The following GRAMD1B variants were observed in gnomAD, a reference collection of about 807,000 sequenced individuals.
GRAMD1B encodes protein Aster-B.
GRAMD1B carries 37 observed loss-of-function variants against 99.7 expected under a neutral mutation model. The ratio of observed to expected loss-of-function variants is 0.37; its 90% CI spans 0.29 to 0.49. GRAMD1B has a LOEUF of 0.49. Ranked by LOEUF, GRAMD1B falls within the 20% of genes least tolerant of loss-of-function variation. GRAMD1B has a pLI of 0.98. For missense variants in GRAMD1B, 888 were observed against 1,009.2 expected (o/e 0.88, Z 1.63); for synonymous variants, 427 against 387.6 (o/e 1.10, Z -1.19).
intron 1 of GRAMD1B, among the ~76,000 whole-genome samples, chr11:123,369,627 T>C (rs1946451919): frequency 6.6e-6 from 1 of 152,004 alleles, no homozygotes. Flanking sequence ...ATCCCAGCAA[T>C]TTGGTTGGCC....
At position 123,626,584 on chromosome 11, in the gene GRAMD1B, C is replaced by T. The variant is rs1434624942; in HGVS notation, c.*3989C>T. 1 of 152,202 alleles carries T rather than the reference C, an allele frequency of 6.6e-6. No individual in the cohort carries two copies. The highest frequency in any genetic ancestry group is 2.4e-5 in the African/African-American group (1 of 41,408). 9.4% of individuals were successfully genotyped at this position (152,202 alleles called of 1,614,324 possible). A position where few individuals can be genotyped will look rare whatever the true frequency, so the allele number is the denominator to read the frequency against. ...CCCAGGAGAAATAGCACTCTTCTCC[C>T]TTCCCCCAGATGGCAGGGCTCTGGC... On this transcript the variant is annotated 3_prime_UTR_variant, in exon 20 of 20. Coordinates refer to ENST00000635736, the MANE Select transcript of GRAMD1B (RefSeq NM_001387025.1).
chr11:123,625,255 T>A lies in GRAMD1B; in HGVS notation c.*2660T>A, dbSNP rs573988255. 1 of 152,240 alleles carries A rather than the reference T, an allele frequency of 6.6e-6. No individual in the cohort carries two copies. Among genetic ancestry groups the A allele is most frequent in the South Asian group, 2.1e-4 (1 of 4,838 alleles). 9.4% of individuals were successfully genotyped at this position (152,240 alleles called of 1,614,324 possible). A position where few individuals can be genotyped will look rare whatever the true frequency, so the allele number is the denominator to read the frequency against. ...AAGGGAGCATCAAAACATCACTACT[T>A]CTTATGTAACTTCTTCCAGCCAGTG... On this transcript the variant is annotated 3_prime_UTR_variant, in exon 20 of 20. Transcript: ENST00000635736.
Position 123,605,559 on chromosome 11 carries a change from G to T in GRAMD1B, c.1323+81G>T, listed in dbSNP as rs1236880183. 5 of 1,144,212 alleles carry T rather than the reference G, an allele frequency of 4.4e-6. No individual in the cohort carries two copies. The African/African-American group carries it at 6.2e-5, about 14-fold the overall frequency. The allele number at this position is 1,144,212 out of a possible 1,614,324, so 70.9% of individuals were successfully genotyped here. A position where few individuals can be genotyped will look rare whatever the true frequency, so the allele number is the denominator to read the frequency against. ...GCATAGTTCACTGGGAACCCAATCTGGGGAGCAGGTAGAGAGGAGATTGGT... is the reference window on the plus strand; with the variant it reads ...GCATAGTTCACTGGGAACCCAATCTTGGGAGCAGGTAGAGAGGAGATTGGT... On this transcript the variant is annotated intron_variant, in intron 10 of 19. Coordinates refer to ENST00000635736, the MANE Select transcript of GRAMD1B (RefSeq NM_001387025.1).
chr11:123,381,904 G>A lies in GRAMD1B; in HGVS notation c.-176+23105G>A, dbSNP rs550843338. Reference sequence around the variant, plus strand: ...TCAGCCAGCTAGGACCGGAGGCTTGGGGTGGGGTAAGTGTTAGTGGCAGCA... The same window carrying A: ...TCAGCCAGCTAGGACCGGAGGCTTGAGGTGGGGTAAGTGTTAGTGGCAGCA... On this transcript the variant is annotated intron_variant, in intron 1 of 20. Transcript: ENST00000638157. Among the ~76,000 whole-genome samples the A allele has an allele frequency of 2.6e-5, 4 of 152,282 alleles. No homozygotes were observed. In the East Asian group the frequency reaches 7.7e-4, roughly 29 times the overall value.
intron 1 of GRAMD1B, among the ~76,000 whole-genome samples, chr11:123,471,776 G>C (rs991795145): frequency 2.0e-5 from 3 of 152,126 alleles, no homozygotes; most frequent in African/African-American, 7.2e-5. Flanking sequence ...CTCAAATCCT[G>C]GTTGCCCCCC....
rs558720821 is a variant in GRAMD1B at position 123,381,503 on chromosome 11, C to T, written c.-176+22704C>T. The T allele has an allele frequency of 2.6e-5, 4 of 154,152 alleles. No individual in the cohort carries two copies. In the East Asian group the frequency reaches 7.7e-4, roughly 30 times the overall value. 9.5% of individuals were successfully genotyped at this position (154,152 alleles called of 1,614,324 possible). On this transcript the variant is annotated intron_variant, in intron 1 of 20. Transcript: ENST00000638157. Reference sequence around the variant, plus strand: ...CTGTGATAATCACCGGAAGGCCTTCCCATCTCTGGTTGAGATTCTTGTATG... The same window carrying T: ...CTGTGATAATCACCGGAAGGCCTTCTCATCTCTGGTTGAGATTCTTGTATG...
chr11:123,603,067 C>T (rs1382598517), intron 8 of GRAMD1B, among the ~76,000 whole-genome samples: 1 of 152,178 alleles, frequency 6.6e-6, no homozygotes, highest in Non-Finnish European at 1.5e-5. Context: ...TCTGGGATCC[C>T]CTTGGCCCCA....
In GRAMD1B at chr11:123,624,505, A is replaced by T. The variant is rs939325018; in HGVS notation, c.*1910A>T. 1 of 152,228 alleles carries T rather than the reference A, an allele frequency of 6.6e-6. No individual in the cohort carries two copies. The highest frequency in any genetic ancestry group is 2.1e-4 in the South Asian group (1 of 4,834). The allele number at this position is 152,228 out of a possible 1,614,324, so 9.4% of individuals were successfully genotyped here. A position where few individuals can be genotyped will look rare whatever the true frequency, so the allele number is the denominator to read the frequency against. Reference sequence around the variant, plus strand: ...TAGAAGAGGAGATGGGAGGAAATGCAGTTTCATGTAATCCCTGTGAAGAGT... The same window carrying T: ...TAGAAGAGGAGATGGGAGGAAATGCTGTTTCATGTAATCCCTGTGAAGAGT... On this transcript the variant is annotated 3_prime_UTR_variant, in exon 20 of 20. Transcript: ENST00000635736.
intron 1 of GRAMD1B, among the ~76,000 whole-genome samples, chr11:123,436,663 G>T (rs1467125243): frequency 1.3e-5 from 2 of 152,172 alleles, no homozygotes; most frequent in African/African-American, 4.8e-5. Context: ...GGGAGGAAGC[G>T]TGGGGAGGTG....
intron 1 of GRAMD1B, among the ~76,000 whole-genome samples, chr11:123,473,350 C>A (rs1276433283): frequency 6.6e-6 from 1 of 152,192 alleles, no homozygotes; most frequent in African/African-American, 2.4e-5. Flanking sequence ...AGGCGTGAGC[C>A]ACCGTGCCCT....
intron 1 of GRAMD1B, among the ~76,000 whole-genome samples, chr11:123,463,531 C>G (rs1445730484): frequency 6.6e-6 from 1 of 152,220 alleles, no homozygotes; most frequent in African/African-American, 2.4e-5. Flanking sequence ...AGGAGGTGTT[C>G]TCTGATGTAG....
At chr11:123,535,076 C>T (rs1338569309) in intron 2 of GRAMD1B, among the ~76,000 whole-genome samples, 2 of 152,126 alleles carry the variant, frequency 1.3e-5, no homozygotes, top group Non-Finnish European at 2.9e-5. Flanking sequence ...GCTGGCTAGA[C>T]TCAGTGGGAA....
chr11:123,410,583 G>C (rs1032371559), intron 1 of GRAMD1B, among the ~76,000 whole-genome samples: 7 of 151,898 alleles, frequency 4.6e-5, no homozygotes, highest in Non-Finnish European at 7.4e-5. Flanking sequence ...GTTTGTCCCT[G>C]CTCCACCCGC....
At chr11:123,415,981 G>A (rs1327290013) in intron 1 of GRAMD1B, among the ~76,000 whole-genome samples, 2 of 152,152 alleles carry the variant, frequency 1.3e-5, no homozygotes, top group Non-Finnish European at 2.9e-5. Flanking sequence ...TTTAGTTTTT[G>A]TCTATTGCAT....
intron 1 of GRAMD1B, among the ~76,000 whole-genome samples, chr11:123,438,198 C>T (rs555107189): frequency 4.6e-5 from 7 of 152,272 alleles, no homozygotes; most frequent in African/African-American, 1.7e-4. Flanking sequence ...AACAATGCCT[C>T]GGTCCCCCCA....
At chr11:123,605,291 G>T in intron 9 of GRAMD1B, 31 bp from the exon 10 acceptor site, 1 of 1,535,930 alleles carries the variant, frequency 6.5e-7, no homozygotes, top group Non-Finnish European at 8.9e-7. Context: ...ACCACTGAGG[G>T]TAATGTGGAC....
Position 123,532,658 on chromosome 11 carries a change from G to A in GRAMD1B, c.453-44709G>A, listed in dbSNP as rs372608160. On this transcript the variant is annotated intron_variant, in intron 2 of 19. Coordinates refer to ENST00000635736, the MANE Select transcript of GRAMD1B (RefSeq NM_001387025.1). ...ACACCATAGCCAACAGGCCAAATTC[G>A]GTTTGATGCCAGATTTTATACAGTT... Among the ~76,000 whole-genome samples the A allele has an allele frequency of 3.3e-5, 5 of 152,268 alleles. No individual in the cohort carries two copies. The South Asian group carries it at 6.2e-4, about 19-fold the overall frequency.
chr11:123,462,298 T>A (rs982752924), intron 1 of GRAMD1B, among the ~76,000 whole-genome samples: 1 of 152,188 alleles, frequency 6.6e-6, no homozygotes, highest in Non-Finnish European at 1.5e-5. Flanking sequence ...GTTTCACCTG[T>A]GGCTTTGTGA....
At chr11:123,466,431 AAAGG>A (rs1377885495) in intron 1 of GRAMD1B, among the ~76,000 whole-genome samples, 6 of 151,174 alleles carry the variant, frequency 4.0e-5, no homozygotes, top group Admixed American at 1.3e-4. Flanking sequence ...AAAAAGAAAG[AAAGG>A]AAGAAAGAAA....
Sources: gnomAD v4.1 joint callset for allele counts (sites outside exome capture counted in the v4.1 genomes callset) on GRCh38, gnomAD v4.1.1 for gene constraint, MANE v1.5 for transcripts, NCBI Gene and HGNC (gene_info 2026-07-23, HGNC 2026-07-21) for gene names.